The following RLF variants were observed in gnomAD, a reference collection of about 807,000 sequenced individuals.
The protein encoded by RLF is zinc finger protein Rlf.
RLF carries 7 observed loss-of-function variants against 162.9 expected under a neutral mutation model. That is an observed-to-expected ratio of 0.04 (90% CI 0.02 to 0.08). The LOEUF (loss-of-function observed/expected upper bound fraction) is 0.08, where lower values mean the gene tolerates loss of function less well. RLF is among the 10% of genes least tolerant of loss of function. RLF has a pLI of 1.00. For missense variants in RLF, 1,664 were observed against 2,244.7 expected (o/e 0.74, Z 5.23); for synonymous variants, 782 against 791.5 (o/e 0.99, Z 0.20).
At chr1:40,182,123 C>T (rs561805534) in intron 1 of RLF, among the ~76,000 whole-genome samples, 40 of 152,074 alleles carry the variant, frequency 2.6e-4, no homozygotes, top group Non-Finnish European at 5.3e-4. Flanking sequence ...TTAAAATGTT[C>T]GGTTTAGGCA....
chr1:40,210,855 A>G (rs531177085), intron 5 of RLF, among the ~76,000 whole-genome samples: 131 of 152,318 alleles, frequency 8.6e-4, no homozygotes, highest in Non-Finnish European at 1.4e-3. Context: ...GTCTGGGAAG[A>G]TGATAAGCTT....
chr1:40,208,041 A>C (rs1241711787), intron 5 of RLF, among the ~76,000 whole-genome samples: 1 of 152,152 alleles, frequency 6.6e-6, no homozygotes, highest in African/African-American at 2.4e-5. Context: ...GTATTTTTTC[A>C]AGTGCTCACA....
intron 6 of RLF, 63 bp downstream of exon 6, chr1:40,222,773 G>T: frequency 2.8e-6 from 4 of 1,427,740 alleles, no homozygotes; most frequent in Non-Finnish European, 3.9e-6. Flanking sequence ...TAGGGTTTAT[G>T]TAAAATGTTA....
chr1:40,226,736 A>G (rs1236733580), intron 6 of RLF, among the ~76,000 whole-genome samples: 1 of 151,922 alleles, frequency 6.6e-6, no homozygotes, highest in Non-Finnish European at 1.5e-5. Flanking sequence ...TTAATTCCAC[A>G]GTTTTATTTA....
At chr1:40,224,981 C>CA (rs1557757716) in intron 6 of RLF, among the ~76,000 whole-genome samples, 1 of 151,276 alleles carries the variant, frequency 6.6e-6, no homozygotes, top group African/African-American at 2.4e-5. Context: ...GTCTCAAAAA[C>CA]AAAAAACAAA....
chr1:40,202,265 T>C, intron 4 of RLF, 147 bp from the exon 5 acceptor site: 1 of 574,256 alleles, frequency 1.7e-6, no homozygotes, highest in Non-Finnish European at 3.0e-6. Flanking sequence ...ATTAGATGAA[T>C]ATTGAGACCA....
rs556206982 is a variant in RLF, at chr1:40,208,651, C to CA, written c.810+6046dup. ...GCAACATGGTGAAACCCCATCTCTACAAAAAAAAATGCAGAACTTAGCTGG... is the reference window on the plus strand; with the variant it reads ...GCAACATGGTGAAACCCCATCTCTACAAAAAAAAAATGCAGAACTTAGCTGG... On this transcript the variant is annotated intron_variant, in intron 5 of 7. Transcript: ENST00000372771. Among the ~76,000 whole-genome samples the CA allele has an allele frequency of 3.5e-3, 521 of 149,976 alleles. 5 individuals are homozygous for CA. Among genetic ancestry groups the CA allele is most frequent in the African/African-American group, 0.011 (441 of 40,600 alleles).
rs779175468 is a variant in RLF at position 40,237,129 on chromosome 1, A to G, written c.2427A>G (p.Lys809=). The G allele has an allele frequency of 6.8e-6, 11 of 1,614,114 alleles. No homozygotes were observed. In the South Asian group the frequency reaches 9.9e-5, roughly 15 times the overall value. Residue 809 remains lysine (K), a synonymous_variant, in exon 8 of 8, where the codon AAA becomes AAG. Transcript: ENST00000372771. The surrounding 1 kb of genome is among the most constrained non-coding windows in gnomAD (Gnocchi z 4.4). ...ASYTCNFLGC[K]KFYYSKIEYQ... ...ACACATGCAACTTCCTTGGCTGTAA[A>G]AAGTTCTATTACTCCAAAATTGAAT...
chr1:40,186,263 A>G (rs1642478961), intron 1 of RLF, among the ~76,000 whole-genome samples: 1 of 152,148 alleles, frequency 6.6e-6, no homozygotes, highest in Admixed American at 6.6e-5. Context: ...GCAGTGATAG[A>G]ATGAGACTCT....
intron 1 of RLF, among the ~76,000 whole-genome samples, chr1:40,172,345 A>G (rs1420092562): frequency 1.3e-5 from 2 of 152,188 alleles, no homozygotes; most frequent in Admixed American, 6.5e-5. Flanking sequence ...TTAATTTGAT[A>G]TGTTGACCCT....
At chr1:40,217,632 C>T (rs908910761) in intron 5 of RLF, among the ~76,000 whole-genome samples, 9 of 151,908 alleles carry the variant, frequency 5.9e-5, no homozygotes, top group African/African-American at 1.7e-4. Flanking sequence ...ATTAGCTGGG[C>T]GCGGGAGCGT....
intron 1 of RLF, among the ~76,000 whole-genome samples, chr1:40,170,632 T>A (rs1307313124): frequency 6.6e-6 from 1 of 152,318 alleles, no homozygotes; most frequent in East Asian, 1.9e-4. Context: ...ATTTGTGCAT[T>A]AGCCTACTTG....
chr1:40,204,658 A>G (rs1213792120), intron 5 of RLF, among the ~76,000 whole-genome samples: 1 of 151,702 alleles, frequency 6.6e-6, no homozygotes, highest in African/African-American at 2.4e-5. Flanking sequence ...CCAGGGTCAA[A>G]TGATCCGTCC....
intron 1 of RLF, among the ~76,000 whole-genome samples, chr1:40,176,004 A>G (rs940652125): frequency 1.3e-5 from 2 of 152,148 alleles, no homozygotes; most frequent in Admixed American, 1.3e-4. Flanking sequence ...AATTTTATAT[A>G]AATACTATAA....
At chr1:40,235,687 T>A in intron 7 of RLF, 105 bp from the exon 8 acceptor site, 1 of 740,446 alleles carries the variant, frequency 1.4e-6, no homozygotes, top group South Asian at 2.4e-5. Context: ...AAGATAAAAT[T>A]TAGGAACTCT....
intron 1 of RLF, among the ~76,000 whole-genome samples, chr1:40,181,344 C>T (rs376467254): frequency 3.3e-5 from 5 of 152,132 alleles, no homozygotes; most frequent in South Asian, 2.1e-4. Context: ...ACAGGAGAAT[C>T]GCTTGAACCT....
intron 7 of RLF, among the ~76,000 whole-genome samples, chr1:40,234,159 C>G (rs1311318310): frequency 6.6e-6 from 1 of 152,066 alleles, no homozygotes; most frequent in Non-Finnish European, 1.5e-5. Flanking sequence ...CATGTTGGCC[C>G]TGCTGGTCTT....
chr1:40,169,877 A>G (rs1642219129), intron 1 of RLF, among the ~76,000 whole-genome samples: 1 of 151,678 alleles, frequency 6.6e-6, no homozygotes, highest in Non-Finnish European at 1.5e-5. Context: ...TTTAGTAGAG[A>G]TGGGGCTTCA....
Position 40,239,496 on chromosome 1 carries a change from TAAG to T in RLF, c.4795_4797del (p.Lys1599del), listed in dbSNP as rs1340831142. ...TTTGCGTTAAGTACGGTACCAAAAT[TAAG>T]GAGGAACCCCCTTCTGAAGCAGATC... is the stretch of plus-strand genomic sequence containing the variant. On this transcript the variant is annotated inframe_deletion, in exon 8 of 8. Transcript: ENST00000372771. 12 of 1,613,902 alleles carry T rather than the reference TAAG, an allele frequency of 7.4e-6. No individual in the cohort carries two copies. Among genetic ancestry groups the T allele is most frequent in the South Asian group, 4.4e-5 (4 of 91,068 alleles).
Sources: gnomAD v4.1 joint callset for allele counts (sites outside exome capture counted in the v4.1 genomes callset) on GRCh38, gnomAD v4.1.1 for gene constraint, Gnocchi (gnomAD v3.1) non-coding constraint, MANE v1.5 for transcripts, NCBI Gene and HGNC (gene_info 2026-07-23, HGNC 2026-07-21) for gene names.